Variants in KALRN observed in about 807,000 individuals in gnomAD.
The protein encoded by KALRN is kalirin RhoGEF kinase.
KALRN carries 70 observed loss-of-function variants against 353.7 expected under a neutral mutation model. The ratio of observed to expected loss-of-function variants is 0.20; its 90% CI spans 0.16 to 0.24. KALRN has a LOEUF of 0.24. Ranked by LOEUF, KALRN falls within the 10% of genes least tolerant of loss-of-function variation. KALRN has a pLI of 1.00. For missense variants in KALRN, 2,791 were observed against 3,756.7 expected, an observed-to-expected ratio of 0.74 and a Z score of 6.72; for synonymous variants, 1,391 against 1,434.8, an observed-to-expected ratio of 0.97 and a Z score of 0.69.
chr3:124,550,172 A>G (rs1427243835), intron 33 of KALRN, among the ~76,000 whole-genome samples: 1 of 152,172 alleles, frequency 6.6e-6, no homozygotes, highest in Non-Finnish European at 1.5e-5. Flanking sequence ...ACTAAGTGAT[A>G]GATCAGACAT....
intron 1 of KALRN, among the ~76,000 whole-genome samples, chr3:124,222,922 T>A (rs2078076451): frequency 6.6e-6 from 1 of 152,108 alleles, no homozygotes; most frequent in Non-Finnish European, 1.5e-5. Flanking sequence ...GGGTTCTTGT[T>A]AAAATGTAGG....
At chr3:124,495,994 T>TATAC (rs2063762956) in intron 32 of KALRN, among the ~76,000 whole-genome samples, 2 of 57,496 alleles carry the variant, frequency 3.5e-5, no homozygotes, top group African/African-American at 1.0e-4. Flanking sequence ...TATATATATA[T>TATAC]ATATATATAT....
chr3:124,143,323 G>A (rs1395379220), intron 1 of KALRN, among the ~76,000 whole-genome samples: 3 of 152,180 alleles, frequency 2.0e-5, no homozygotes, highest in Non-Finnish European at 2.9e-5. Context: ...GGAAACTGGT[G>A]GTTCAGGCAA....
chr3:124,642,806 G>GTTTTTTTTTTGTTGTTGTTTTTGT (rs1553707031), intron 37 of KALRN, among the ~76,000 whole-genome samples: 1 of 96,840 alleles, frequency 1.0e-5, no homozygotes, highest in East Asian at 4.7e-4. Context: ...CCCAAGCCTC[G>GTTTTTTTTTTGTTGTTGTTTTTGT]TTTTTTTTTT....
chr3:124,117,430 G>C (rs1430035307), intron 1 of KALRN, among the ~76,000 whole-genome samples: 1 of 152,022 alleles, frequency 6.6e-6, no homozygotes, highest in African/African-American at 2.4e-5. Flanking sequence ...GACAGAATTG[G>C]TGTGATTTGA....
chr3:124,559,945 G>A (rs528121783), intron 33 of KALRN, among the ~76,000 whole-genome samples: 2 of 152,366 alleles, frequency 1.3e-5, no homozygotes, highest in African/African-American at 4.8e-5. Flanking sequence ...TACAACGTGT[G>A]AGCATGGAAG....
intron 9 of KALRN, among the ~76,000 whole-genome samples, chr3:124,337,255 T>C (rs894424708): frequency 4.6e-5 from 7 of 152,216 alleles, no homozygotes; most frequent in Non-Finnish European, 1.0e-4. Context: ...CGGAAATGCT[T>C]CTAGCTTTTG....
chr3:124,553,821 G>T (rs1401826524), intron 33 of KALRN, among the ~76,000 whole-genome samples: 1 of 152,272 alleles, frequency 6.6e-6, no homozygotes, highest in Admixed American at 6.5e-5. Flanking sequence ...CCTCCAGCCT[G>T]AGGGTCAGTG....
At chr3:124,309,136 G>C (rs562357417) in intron 6 of KALRN, among the ~76,000 whole-genome samples, 1 of 152,198 alleles carries the variant, frequency 6.6e-6, no homozygotes, top group Admixed American at 6.5e-5. Flanking sequence ...CAAGTGAAGA[G>C]ATTGAATTAG....
intron 1 of KALRN, chr3:124,096,655 G>A (rs1297592202): frequency 2.0e-5 from 3 of 152,158 alleles, no homozygotes; most frequent in Non-Finnish European, 4.4e-5. Flanking sequence ...CCTTCTAAGT[G>A]CCCTTGAATA....
intron 33 of KALRN, among the ~76,000 whole-genome samples, chr3:124,516,710 A>C (rs545051663): frequency 2.9e-4 from 43 of 150,552 alleles, no homozygotes; most frequent in African/African-American, 9.9e-4. Flanking sequence ...TAATCAGGAC[A>C]GCTGATGCCA....
intron 1 of KALRN, among the ~76,000 whole-genome samples, chr3:124,190,603 A>G (rs551586528): frequency 1.2e-3 from 190 of 152,326 alleles, no homozygotes; most frequent in African/African-American, 4.4e-3. Flanking sequence ...TTGCTCCACA[A>G]TGCTTGGTAC....
chr3:124,279,418 A>G (rs1340107131), intron 5 of KALRN, among the ~76,000 whole-genome samples: 1 of 152,244 alleles, frequency 6.6e-6, no homozygotes, highest in Non-Finnish European at 1.5e-5. Context: ...TGGCCCATGT[A>G]AATGAGTGGA....
At chr3:124,556,890 TTGA>T (rs1034377708) in intron 33 of KALRN, among the ~76,000 whole-genome samples, 2 of 152,210 alleles carry the variant, frequency 1.3e-5, no homozygotes, top group Non-Finnish European at 2.9e-5. Flanking sequence ...TGCTAAGTTG[TTGA>T]TGATGTTCAC....
At chr3:124,255,653 C>T (rs562676290) in intron 3 of KALRN, among the ~76,000 whole-genome samples, 21 of 152,290 alleles carry the variant, frequency 1.4e-4, no homozygotes, top group Admixed American at 1.3e-3. Context: ...AGATACCCCA[C>T]AATAGCCATG....
chr3:124,582,866 C>G (rs1481450719), intron 34 of KALRN, among the ~76,000 whole-genome samples: 1 of 152,090 alleles, frequency 6.6e-6, no homozygotes, highest in Non-Finnish European at 1.5e-5. Context: ...CATCCCCAGG[C>G]TCAAGTGATC....
At chr3:124,606,853 T>C (rs2077399754) in intron 34 of KALRN, among the ~76,000 whole-genome samples, 2 of 152,174 alleles carry the variant, frequency 1.3e-5, no homozygotes, top group Non-Finnish European at 2.9e-5. Context: ...TAAAAGGCAA[T>C]AAACTTTTCA....
intron 51 of KALRN, among the ~76,000 whole-genome samples, chr3:124,692,470 C>T (rs1305073155): frequency 6.6e-6 from 1 of 152,200 alleles, no homozygotes; most frequent in Non-Finnish European, 1.5e-5. Flanking sequence ...TGCATGTTCA[C>T]AAAGATATGC....
intron 37 of KALRN, among the ~76,000 whole-genome samples, chr3:124,646,180 C>T (rs2082694319): frequency 6.6e-6 from 1 of 152,060 alleles, no homozygotes; most frequent in African/African-American, 2.4e-5. Context: ...GCTTTGATCT[C>T]TTCCCAAGTT....
Sources: allele counts gnomAD v4.1 joint callset (sites outside exome capture counted in the v4.1 genomes callset), GRCh38; gene constraint gnomAD v4.1.1; transcripts MANE v1.5; gene names NCBI Gene and HGNC (gene_info 2026-07-23, HGNC 2026-07-21).